The following MCUB variants were observed in gnomAD, a reference collection of about 807,000 sequenced individuals.
The protein encoded by MCUB is mitochondrial calcium uniporter dominant negative subunit beta.
MCUB carries 46 observed loss-of-function variants against 41.4 expected under a neutral mutation model. The ratio of observed to expected loss-of-function variants is 1.11; its 90% CI spans 0.88 to 1.42. MCUB has a LOEUF of 1.42. MCUB is among the 40% of genes most tolerant of loss of function. MCUB has a pLI of 0.00. For synonymous variants in MCUB, 148 were observed against 148.2 expected (o/e 1.00, Z 0.01); for missense variants, 403 against 404.9 (o/e 1.00, Z 0.04).
chr4:109,655,080 A>G (rs756428987), intron 1 of MCUB, among the ~76,000 whole-genome samples: 2 of 152,154 alleles, frequency 1.3e-5, no homozygotes, highest in African/African-American at 2.4e-5. Context: ...AACCTCAGCT[A>G]TTTACTAAAA....
intron 1 of MCUB, among the ~76,000 whole-genome samples, chr4:109,645,113 C>A (rs1394992891): frequency 6.6e-6 from 1 of 152,150 alleles, no homozygotes; most frequent in African/African-American, 2.4e-5. Context: ...GAACTGAGCT[C>A]TTTCTTATTC....
intron 1 of MCUB, among the ~76,000 whole-genome samples, chr4:109,641,486 C>T (rs1475032684): frequency 6.6e-6 from 1 of 152,070 alleles, no homozygotes; most frequent in African/African-American, 2.4e-5. Context: ...ACAATAGTAA[C>T]ATCAAAGATC....
At chr4:109,605,947 T>C (rs936313213) in intron 1 of MCUB, among the ~76,000 whole-genome samples, 4 of 139,008 alleles carry the variant, frequency 2.9e-5, no homozygotes, top group Non-Finnish European at 6.4e-5. Context: ...AGTAGATCAC[T>C]GGGCCTGGGT....
chr4:109,592,059 G>A (rs1579054277), intron 1 of MCUB, among the ~76,000 whole-genome samples: 1 of 152,090 alleles, frequency 6.6e-6, no homozygotes, highest in Non-Finnish European at 1.5e-5. Flanking sequence ...TCTTTCTGCT[G>A]TTTTAATTCT....
At chr4:109,648,695 T>TTG (rs1561240181) in intron 1 of MCUB, 1 of 109,054 alleles carries the variant, frequency 9.2e-6, no homozygotes, top group African/African-American at 8.0e-5. Flanking sequence ...AGCAGTTTGA[T>TTG]TTTTTTTTTT....
intron 1 of MCUB, among the ~76,000 whole-genome samples, chr4:109,578,237 C>G: frequency 6.6e-6 from 1 of 152,274 alleles, no homozygotes. Context: ...CCTAAGTGCT[C>G]ATAAACCAAT....
intron 1 of MCUB, chr4:109,648,693 G>GT (rs1728891122): frequency 2.2e-5 from 5 of 232,408 alleles, no homozygotes; most frequent in South Asian, 3.5e-5. Context: ...ATAGCAGTTT[G>GT]ATTTTTTTTT....
At chr4:109,630,232 G>C (rs1335746807) in intron 1 of MCUB, among the ~76,000 whole-genome samples, 2 of 152,128 alleles carry the variant, frequency 1.3e-5, no homozygotes, top group Non-Finnish European at 2.9e-5. Flanking sequence ...AGGCTGAAGT[G>C]GGAGCATCAC....
intron 1 of MCUB, among the ~76,000 whole-genome samples, chr4:109,586,779 G>A (rs1727316573): frequency 1.3e-5 from 2 of 152,218 alleles, no homozygotes; most frequent in Non-Finnish European, 2.9e-5. Context: ...GGTATCACTA[G>A]CAGAGGCTGC....
At chr4:109,686,045 A>C (rs1414818980) in intron 7 of MCUB, among the ~76,000 whole-genome samples, 1 of 152,228 alleles carries the variant, frequency 6.6e-6, no homozygotes, top group East Asian at 1.9e-4. Flanking sequence ...GTAGCTGGTA[A>C]TCAAACCTTT....
intron 1 of MCUB, among the ~76,000 whole-genome samples, chr4:109,641,139 G>A (rs933338368): frequency 6.6e-6 from 1 of 152,072 alleles, no homozygotes; most frequent in East Asian, 1.9e-4. Context: ...GTCTCACTCT[G>A]TCGCCCCGGC....
intron 1 of MCUB, among the ~76,000 whole-genome samples, chr4:109,600,137 T>C (rs913744779): frequency 1.3e-5 from 2 of 152,254 alleles, no homozygotes; most frequent in African/African-American, 4.8e-5. Flanking sequence ...GTTGGAAATA[T>C]AGGTTTTTAA....
chr4:109,584,103 A>G (rs923703087), intron 1 of MCUB, among the ~76,000 whole-genome samples: 1 of 151,070 alleles, frequency 6.6e-6, no homozygotes, highest in African/African-American at 2.4e-5. Context: ...TTGGTAGGCT[A>G]TTAATTATTG....
At chr4:109,603,618 G>A (rs538020323) in intron 1 of MCUB, among the ~76,000 whole-genome samples, 8 of 149,490 alleles carry the variant, frequency 5.4e-5, no homozygotes, top group East Asian at 2.0e-4. Flanking sequence ...GGTGAGGAGC[G>A]CCTCTGCCCG....
chr4:109,574,923 G>C lies in MCUB; in HGVS notation c.99+14487G>C, dbSNP rs138167510. On this transcript the variant is annotated intron_variant, in intron 1 of 7. Transcript: ENST00000394650. The stretch of plus-strand genomic sequence containing the variant: ...CCAGAGATGGATTGGGTAAGACAGA[G>C]ATCCAAAAAAAGTATGAGACTTAAC... Among the ~76,000 whole-genome samples, 35 of 152,228 alleles carry C rather than the reference G, an allele frequency of 2.3e-4. No homozygotes were observed. The East Asian group carries it at 6.6e-3, about 28-fold the overall frequency.
intron 1 of MCUB, among the ~76,000 whole-genome samples, chr4:109,647,340 C>G (rs2058043280): frequency 6.6e-6 from 1 of 152,274 alleles, no homozygotes; most frequent in South Asian, 2.1e-4. Context: ...CTCTGTTCAT[C>G]CCTGTCTTTC....
rs189672237 is a variant in MCUB at position 109,564,333 on chromosome 4, T to G, written c.99+3897T>G. 2.4e-3 allele frequency among the ~76,000 whole-genome samples: 371 copies of G among 151,980 alleles called. 1 individual carries two copies. The highest frequency in any genetic ancestry group is 8.4e-3 in the African/African-American group (347 of 41,458). On this transcript the variant is annotated intron_variant, in intron 1 of 7. Coordinates refer to ENST00000394650, the MANE Select transcript of MCUB (RefSeq NM_017918.5). ...GTATTTTAGTAGAGACCGGGTTTGG[T>G]TTCACCATGTTGGCCAAGATGGTCT...
At chr4:109,560,887 C>G (rs6533436) in intron 1 of MCUB, 1 of 154,510 alleles carries the variant, frequency 6.5e-6, no homozygotes, top group Non-Finnish European at 1.4e-5. Context: ...CAGTGACCGT[C>G]CCGGGTGTGG....
rs368384252 is a variant in MCUB, at chr4:109,598,617, CGGGAGA to C, written c.99+38201_99+38206del. ...GAGGGAGAGGGAGACGGTGGGGAGACGGGAGAGGGAGAGGGAGAGGGAGAGCTGGAT... is the reference window on the plus strand; with the variant it reads ...GAGGGAGAGGGAGACGGTGGGGAGACGGGAGAGGGAGAGGGAGAGCTGGAT... On this transcript the variant is annotated intron_variant, in intron 1 of 7. Coordinates refer to ENST00000394650, the MANE Select transcript of MCUB (RefSeq NM_017918.5). 6.2e-3 allele frequency among the ~76,000 whole-genome samples: 934 copies of C among 151,608 alleles called. 13 individuals carry two copies. Among genetic ancestry groups the C allele is most frequent in the East Asian group, 0.016 (80 of 5,108 alleles).
Sources: allele counts gnomAD v4.1 joint callset (sites outside exome capture counted in the v4.1 genomes callset), GRCh38; gene constraint gnomAD v4.1.1; transcripts MANE v1.5; gene names NCBI Gene and HGNC (gene_info 2026-07-23, HGNC 2026-07-21).